Variants in VAPB observed in about 807,000 individuals in gnomAD.
VAPB encodes the protein VAMP associated protein B and C.
A neutral mutation model predicts 25.6 loss-of-function variants in VAPB; 7 were observed. The observed-to-expected ratio is 0.27, with a 90% CI of 0.16 to 0.51. VAPB has a LOEUF of 0.51. Among genes scored for constraint, VAPB ranks in the 20% least tolerant of loss-of-function variants. VAPB has a pLI of 0.97. For synonymous variants in VAPB, 112 were observed against 109.2 expected, an observed-to-expected ratio of 1.03 and a Z score of -0.16; for missense variants, 266 against 301.3, an observed-to-expected ratio of 0.88 and a Z score of 0.87.
Position 58,418,091 on chromosome 20 carries a change from T to A in VAPB, c.59-120T>A, listed in dbSNP as rs1050645020. 4.4e-6 allele frequency: 6 copies of A among 1,349,056 alleles called. No individual in the cohort carries two copies. In the African/African-American group the frequency reaches 8.6e-5, roughly 19 times the overall value. 83.6% of individuals were successfully genotyped at this position (1,349,056 alleles called of 1,614,324 possible). A position where few individuals can be genotyped will look rare whatever the true frequency, so the allele number is the denominator to read the frequency against. On this transcript the variant is annotated intron_variant, in intron 1 of 5. Coordinates refer to ENST00000475243, the MANE Select transcript of VAPB (RefSeq NM_004738.5). ...AGCTCATCTCTTTCATCCATTGGCATGTTAATGAGATAATCGTGGATCTCA... is the reference window on the plus strand; with the variant it reads ...AGCTCATCTCTTTCATCCATTGGCAAGTTAATGAGATAATCGTGGATCTCA...
At chr20:58,413,366 C>T (rs1207959078) in intron 1 of VAPB, among the ~76,000 whole-genome samples, 7 of 151,698 alleles carry the variant, frequency 4.6e-5, no homozygotes, top group African/African-American at 7.3e-5. Context: ...GAGCATGCTG[C>T]CTTCAAGCAT....
chr20:58,449,270 A>G lies in VAPB; in HGVS notation c.*5035A>G, dbSNP rs1405829635. Reference sequence around the variant, plus strand: ...GGGGGCCCTGACCTCCCTCCATGCCATGTTTTTGGCTGTATCTACGGCACT... The same window carrying G: ...GGGGGCCCTGACCTCCCTCCATGCCGTGTTTTTGGCTGTATCTACGGCACT... On this transcript the variant is annotated 3_prime_UTR_variant, in exon 6 of 6. Coordinates refer to ENST00000475243, the MANE Select transcript of VAPB (RefSeq NM_004738.5). The G allele has an allele frequency of 2.0e-5, 9 of 453,968 alleles. No individual in the cohort carries two copies. In the Admixed American group the frequency reaches 2.1e-4, roughly 11 times the overall value. 28.1% of individuals were successfully genotyped at this position (453,968 alleles called of 1,614,324 possible).
At chr20:58,398,381 T>C (rs1466754228) in intron 1 of VAPB, among the ~76,000 whole-genome samples, 1 of 152,222 alleles carries the variant, frequency 6.6e-6, no homozygotes, top group Non-Finnish European at 1.5e-5. Context: ...TTGCAGATCC[T>C]TTGAGGTTTT....
chr20:58,409,737 G>C (rs1988326202), intron 1 of VAPB, among the ~76,000 whole-genome samples: 1 of 152,008 alleles, frequency 6.6e-6, no homozygotes, highest in Non-Finnish European at 1.5e-5. Flanking sequence ...TATCAAATTG[G>C]TATACAACTT....
rs377121820 is a variant in VAPB, at chr20:58,438,969, C to G, written c.340C>G (p.Leu114Val). 3 of 1,613,690 alleles carry G rather than the reference C, an allele frequency of 1.9e-6. No individual in the cohort carries two copies. The highest frequency in any genetic ancestry group is 2.7e-5 in the African/African-American group (2 of 74,876). ...GTGGAAGGAGGCAAAACCGGAAGAC[C>G]TTATGGATTCAAAACTTAGATGTGT... The part of the protein sequence containing the change: ...AVWKEAKPED[L>V]MDSKLRCVFE... The change falls in exon 4 of 6, where the codon CTT becomes GTT. Residue 114 changes from leucine to valine, a missense_variant. By Grantham distance (32) the Leu-to-Val change is conservative (BLOSUM62 1). This residue lies in a region of VAPB where 98 missense variants were observed against 147.1 expected (regional missense o/e 0.67). Coordinates refer to ENST00000475243, the MANE Select transcript of VAPB (RefSeq NM_004738.5).
chr20:58,418,192 T>C lies in VAPB; in HGVS notation c.59-19T>C. On this transcript the variant is annotated intron_variant, in intron 1 of 5. Transcript: ENST00000475243. ...CTTTCCTCATGAGACCCCCAATCAG[T>C]CTCTGTCTCATTCTACAGGTCCCTT... 6.2e-7 allele frequency: 1 copy of C among 1,613,998 alleles called. No homozygotes were observed. Among genetic ancestry groups the C allele is most frequent in the Non-Finnish European group, 8.5e-7 (1 of 1,179,932 alleles).
At chr20:58,429,606 G>A (rs1419152691) in intron 2 of VAPB, among the ~76,000 whole-genome samples, 1 of 152,224 alleles carries the variant, frequency 6.6e-6, no homozygotes, top group Non-Finnish European at 1.5e-5. Flanking sequence ...AAAGGCCTTT[G>A]ATTAGAGGAG....
intron 1 of VAPB, 23 bp downstream of exon 1, chr20:58,389,540 T>C (rs1987732059): frequency 6.4e-7 from 1 of 1,561,000 alleles, no homozygotes; most frequent in Non-Finnish European, 8.7e-7. Context: ...GGCCGCCACC[T>C]TCCTGCCCGC....
rs768092481 is a variant in VAPB, at chr20:58,444,997, A to G, written c.*762A>G. Reference sequence around the variant, plus strand: ...TGTTTTCTTATTGTCACAAGAGTACAGTTAATGCTGCGTGCTGCTGAACTC... The same window carrying G: ...TGTTTTCTTATTGTCACAAGAGTACGGTTAATGCTGCGTGCTGCTGAACTC... On this transcript the variant is annotated 3_prime_UTR_variant, in exon 6 of 6. Coordinates refer to ENST00000475243, the MANE Select transcript of VAPB (RefSeq NM_004738.5). 1.8e-5 allele frequency: 8 copies of G among 454,692 alleles called. No individual in the cohort carries two copies. The highest frequency in any genetic ancestry group is 1.1e-4 in the South Asian group (7 of 64,484). The allele number at this position is 454,692 out of a possible 1,614,324, so 28.2% of individuals were successfully genotyped here.
At chr20:58,429,626 C>T (rs573902471) in intron 2 of VAPB, among the ~76,000 whole-genome samples, 16 of 152,214 alleles carry the variant, frequency 1.1e-4, no homozygotes, top group Non-Finnish European at 2.1e-4. Flanking sequence ...GCATAGGGAA[C>T]GCCCATTCCT....
chr20:58,434,575 C>A (rs182361662), intron 2 of VAPB, 27 bp from the exon 3 acceptor site: 288 of 1,150,884 alleles, frequency 2.5e-4, no homozygotes, highest in South Asian at 2.0e-4. Flanking sequence ...AGCTCTGACC[C>A]TCCTAATGAA....
intron 2 of VAPB, among the ~76,000 whole-genome samples, chr20:58,429,555 C>A (rs546238665): frequency 6.6e-6 from 1 of 152,336 alleles, no homozygotes; most frequent in African/African-American, 2.4e-5. Flanking sequence ...GGCAGTATAT[C>A]TCAGACAGTG....
intron 1 of VAPB, among the ~76,000 whole-genome samples, chr20:58,406,557 T>G (rs1988233788): frequency 6.6e-6 from 1 of 152,204 alleles, no homozygotes; most frequent in African/African-American, 2.4e-5. Context: ...AAAATTCCAG[T>G]TGGATCATCA....
chr20:58,448,178 C>T lies in VAPB; in HGVS notation c.*3943C>T, dbSNP rs1989341969. The T allele has an allele frequency of 2.2e-6, 1 of 453,846 alleles. No individual in the cohort carries two copies. Among genetic ancestry groups the T allele is most frequent in the Non-Finnish European group, 4.4e-6 (1 of 226,780 alleles). The allele number at this position is 453,846 out of a possible 1,614,324, so 28.1% of individuals were successfully genotyped here. A position where few individuals can be genotyped will look rare whatever the true frequency, so the allele number is the denominator to read the frequency against. On this transcript the variant is annotated 3_prime_UTR_variant, in exon 6 of 6. Coordinates refer to ENST00000475243, the MANE Select transcript of VAPB (RefSeq NM_004738.5). ...AATGGAATTGTATTTAGAAAGGCCC[C>T]TGCAAAGTATATAGATGGATGACTC...
chr20:58,410,660 G>A (rs970101472), intron 1 of VAPB, among the ~76,000 whole-genome samples: 1 of 151,572 alleles, frequency 6.6e-6, no homozygotes, highest in Non-Finnish European at 1.5e-5. Context: ...CAAGTGATCC[G>A]CCCCCCCGCC....
intron 1 of VAPB, among the ~76,000 whole-genome samples, chr20:58,408,347 A>T (rs1241456101): frequency 3.3e-5 from 5 of 152,138 alleles, no homozygotes; most frequent in Non-Finnish European, 7.3e-5. Context: ...GGTTGTTTTT[A>T]TGTGGTTATT....
chr20:58,414,816 A>G (rs1988495843), intron 1 of VAPB, among the ~76,000 whole-genome samples: 1 of 152,126 alleles, frequency 6.6e-6, no homozygotes, highest in Non-Finnish European at 1.5e-5. Context: ...CACTTCCCAG[A>G]CGGGGTGGCG....
At position 58,445,285 on chromosome 20, in the gene VAPB, G is replaced by T. The variant is rs551974797; in HGVS notation, c.*1050G>T. The T allele has an allele frequency of 4.4e-6, 2 of 454,224 alleles. No homozygotes were observed. Among genetic ancestry groups the T allele is most frequent in the Non-Finnish European group, 8.8e-6 (2 of 226,732 alleles). 28.1% of individuals were successfully genotyped at this position (454,224 alleles called of 1,614,324 possible). A position where few individuals can be genotyped will look rare whatever the true frequency, so the allele number is the denominator to read the frequency against. On this transcript the variant is annotated 3_prime_UTR_variant, in exon 6 of 6. Coordinates refer to ENST00000475243, the MANE Select transcript of VAPB (RefSeq NM_004738.5). ...CTCAACCATTACTCACACTTCCAGCGCCCAGGTCCAAGTCTGAGCCTGACC... is the reference window on the plus strand; with the variant it reads ...CTCAACCATTACTCACACTTCCAGCTCCCAGGTCCAAGTCTGAGCCTGACC...
In VAPB at chr20:58,448,143, G is replaced by C. The variant is rs1288108040; in HGVS notation, c.*3908G>C. On this transcript the variant is annotated 3_prime_UTR_variant, in exon 6 of 6. Coordinates refer to ENST00000475243, the MANE Select transcript of VAPB (RefSeq NM_004738.5). ...GTTGTTGAGAAGGAGTGTTCTCAAA[G>C]ATGAGCTGGAATGGAATTGTATTTA... is the stretch of plus-strand genomic sequence containing the variant. 2.2e-6 allele frequency: 1 copy of C among 454,040 alleles called. No individual in the cohort carries two copies. Among genetic ancestry groups the C allele is most frequent in the South Asian group, 1.6e-5 (1 of 64,466 alleles). The allele number at this position is 454,040 out of a possible 1,614,324, so 28.1% of individuals were successfully genotyped here. A position where few individuals can be genotyped will look rare whatever the true frequency, so the allele number is the denominator to read the frequency against.
Sources: gnomAD v4.1 joint callset for allele counts (sites outside exome capture counted in the v4.1 genomes callset) on GRCh38, gnomAD v4.1.1 for gene constraint, gnomAD v4.1.1 regional missense constraint, MANE v1.5 for transcripts, NCBI Gene and HGNC (gene_info 2026-07-23, HGNC 2026-07-21) for gene names.